The following FUT8 variants were observed in gnomAD, a reference collection of about 807,000 sequenced individuals.
FUT8 encodes alpha-(1,6)-fucosyltransferase.
FUT8 carries 29 observed loss-of-function variants against 71.3 expected under a neutral mutation model. The observed-to-expected ratio is 0.41, with a 90% CI of 0.30 to 0.55. The LOEUF (loss-of-function observed/expected upper bound fraction) is 0.55, where lower values mean the gene tolerates loss of function less well. FUT8 is among the 20% of genes least tolerant of loss of function. The pLI is 0.34. For missense variants in FUT8, 544 were observed against 702.1 expected, an observed-to-expected ratio of 0.77 and a Z score of 2.55; for synonymous variants, 254 against 239.3, an observed-to-expected ratio of 1.06 and a Z score of -0.57.
the FUT8 span, among the ~76,000 whole-genome samples, chr14:65,383,341 C>T: frequency 8.0e-6 from 1 of 124,338 alleles, no homozygotes; most frequent in East Asian, 2.3e-4. Flanking sequence ...GTGGCATGAT[C>T]TTGGCTCACC....
chr14:65,453,620 C>T (rs1271113794), intron 1 of FUT8, among the ~76,000 whole-genome samples: 1 of 152,042 alleles, frequency 6.6e-6, no homozygotes, highest in Admixed American at 6.5e-5. Flanking sequence ...TACCTATGGC[C>T]TAGAGTGTAA....
At chr14:65,509,994 G>A (rs562453000) in intron 2 of FUT8, among the ~76,000 whole-genome samples, 5 of 152,060 alleles carry the variant, frequency 3.3e-5, no homozygotes, top group Non-Finnish European at 7.4e-5. Flanking sequence ...GTGAAAGTGG[G>A]CATCCTTGTT....
At position 65,629,527 on chromosome 14, in the gene FUT8, C is replaced by A. The variant is rs1270507745; in HGVS notation, c.518C>A (p.Thr173Lys). 6.8e-6 allele frequency: 11 copies of A among 1,613,688 alleles called. No homozygotes were observed. The South Asian group carries it at 8.8e-5, about 13-fold the overall frequency. The change falls in exon 6 of 11, where the codon ACA becomes AAA. Residue 173 changes from threonine to lysine, a missense_variant. Transcript: ENST00000673929. ...ACGGATCTATACTACCTCAGTCAGACAGATGGAGCAGGTGATTGGCGGGAA... is the reference window on the plus strand; with the variant it reads ...ACGGATCTATACTACCTCAGTCAGAAAGATGGAGCAGGTGATTGGCGGGAA... Reference protein sequence around the residue: ...IMTDLYYLSQTDGAGDWREKE... With the variant: ...IMTDLYYLSQKDGAGDWREKE...
chr14:65,729,173 G>A lies in FUT8; in HGVS notation c.1260-4058G>A, dbSNP rs1268227286. Among the ~76,000 whole-genome samples the A allele has an allele frequency of 2.7e-5, 4 of 149,904 alleles. No homozygotes were observed. The East Asian group carries it at 8.1e-4, about 30-fold the overall frequency. ...CCTGAGTAGCTGGGACCATTGGCAT[G>A]CAGCATCATGCCCAGCTAATTTTTT... On this transcript the variant is annotated intron_variant, in intron 9 of 10. Transcript: ENST00000673929.
intron 7 of FUT8, among the ~76,000 whole-genome samples, chr14:65,671,117 G>A (rs1594882216): frequency 6.6e-6 from 1 of 152,118 alleles, no homozygotes; most frequent in Admixed American, 6.5e-5. Context: ...CATGGACTTA[G>A]TTCAGTTTAA....
the FUT8 span, among the ~76,000 whole-genome samples, chr14:65,400,580 T>A: frequency 1.3e-5 from 2 of 152,198 alleles, no homozygotes. Context: ...CTCTGGAGAT[T>A]AGCTTTCCAA....
At chr14:65,631,285 A>G (rs1890167880) in intron 6 of FUT8, among the ~76,000 whole-genome samples, 1 of 152,118 alleles carries the variant, frequency 6.6e-6, no homozygotes. Context: ...ATTTTCACCA[A>G]CTATATCTGG....
At chr14:65,526,670 C>G (rs1883491713) in intron 2 of FUT8, among the ~76,000 whole-genome samples, 1 of 152,146 alleles carries the variant, frequency 6.6e-6, no homozygotes, top group African/African-American at 2.4e-5. Context: ...ATGGTCTTTA[C>G]AATTTGGCAT....
chr14:65,411,257 T>C (rs898603297), upstream of FUT8: 1 of 152,250 alleles, frequency 6.6e-6, no homozygotes, highest in Admixed American at 6.5e-5. Context: ...CTGTGTGATC[T>C]TGGACAAGTC....
chr14:65,693,399 C>G (rs530730289), intron 7 of FUT8, among the ~76,000 whole-genome samples: 5 of 152,134 alleles, frequency 3.3e-5, no homozygotes, highest in African/African-American at 9.7e-5. Context: ...CGCAGGCACT[C>G]GGCAGGCTGA....
intron 3 of FUT8, among the ~76,000 whole-genome samples, chr14:65,571,596 A>G (rs1275279103): frequency 2.0e-5 from 3 of 152,140 alleles, no homozygotes; most frequent in Non-Finnish European, 4.4e-5. Context: ...GAAGCATAGC[A>G]TCATATGTAT....
At position 65,629,591 on chromosome 14, in the gene FUT8, A is replaced by T. The variant is rs761440011; in HGVS notation, c.582A>T (p.Arg194Ser). 4 of 1,611,568 alleles carry T rather than the reference A, an allele frequency of 2.5e-6. No homozygotes were observed. In the Admixed American group the frequency reaches 6.7e-5, roughly 27 times the overall value. Residue 194 changes from arginine to serine, a missense_variant, in exon 6 of 11, where the codon AGA becomes AGT. By Grantham distance (110) the Arg-to-Ser change is moderately radical (BLOSUM62 -1). Coordinates refer to ENST00000673929, the MANE Select transcript of FUT8 (RefSeq NM_001371533.1). ...ATCTGACAGAACTGGTTCAGCGGAG[A>T]ATAACATATCTTCAGGTAAGAAGGT... ...AKDLTELVQRRITYLQNPKDC... is the reference protein window; with the variant it reads ...AKDLTELVQRSITYLQNPKDC...
chr14:65,561,675 C>G lies in FUT8; in HGVS notation c.112C>G (p.His38Asp), dbSNP rs1186177136. The stretch of plus-strand genomic sequence containing the variant: ...GGTACGAGATAATGACCATCCTGAT[C>G]ACTCTAGCCGAGAACTGTCCAAGAT... ...HLVRDNDHPD[H>D]SSRELSKILA... is the part of the protein sequence containing the mutation. The change falls in exon 3 of 11, where the codon CAC (histidine) becomes GAC (aspartate). Residue 38 changes from histidine to aspartate, a missense_variant. Transcript: ENST00000673929. 1 of 1,613,478 alleles carries G rather than the reference C, an allele frequency of 6.2e-7. No homozygotes were observed. Among genetic ancestry groups the G allele is most frequent in the Non-Finnish European group, 8.5e-7 (1 of 1,179,632 alleles).
At chr14:65,485,999 C>T (rs1025432294) in intron 2 of FUT8, among the ~76,000 whole-genome samples, 1 of 152,276 alleles carries the variant, frequency 6.6e-6, no homozygotes, top group East Asian at 1.9e-4. Context: ...AGTGAGAGGA[C>T]AAACCTGGTT....
At chr14:65,525,817 G>C (rs553031364) in intron 2 of FUT8, among the ~76,000 whole-genome samples, 2 of 152,186 alleles carry the variant, frequency 1.3e-5, no homozygotes, top group African/African-American at 4.8e-5. Context: ...ATTTCGTTAC[G>C]TACCCAGTAG....
At chr14:65,491,250 C>A (rs1054631026) in intron 2 of FUT8, among the ~76,000 whole-genome samples, 21 of 152,154 alleles carry the variant, frequency 1.4e-4, no homozygotes, top group Admixed American at 2.6e-4. Context: ...AAGATCGAGA[C>A]CAACTTTCTT....
At chr14:65,524,429 C>T (rs910555684) in intron 2 of FUT8, among the ~76,000 whole-genome samples, 4 of 152,116 alleles carry the variant, frequency 2.6e-5, no homozygotes, top group African/African-American at 9.7e-5. Context: ...ATTTTGTATC[C>T]TGAGACTTTG....
intron 2 of FUT8, among the ~76,000 whole-genome samples, chr14:65,481,247 A>T (rs1195774878): frequency 6.6e-6 from 1 of 152,112 alleles, no homozygotes; most frequent in Non-Finnish European, 1.5e-5. Context: ...GTTCATTTGC[A>T]TATTTTCTTT....
At chr14:65,409,452 T>C (rs549051525), upstream of FUT8, among the ~76,000 whole-genome samples, 20 of 152,356 alleles carry the variant, frequency 1.3e-4, no homozygotes, top group Non-Finnish European at 2.8e-4. This position sits in a 1 kb window ranked among gnomAD's most constrained non-coding sequence, Gnocchi z 5.4. Flanking sequence ...AATTAAATGG[T>C]GGAGGTAAAG....
Sources: allele counts gnomAD v4.1 joint callset (sites outside exome capture counted in the v4.1 genomes callset), GRCh38; gene constraint gnomAD v4.1.1; non-coding constraint Gnocchi (gnomAD v3.1); transcripts MANE v1.5; gene names NCBI Gene and HGNC (gene_info 2026-07-23, HGNC 2026-07-21).